The following ARHGAP24 variants were observed in gnomAD, a reference collection of about 807,000 sequenced individuals.
ARHGAP24 encodes the protein Rho GTPase activating protein 24, also known as rho GTPase-activating protein 24.
A neutral mutation model predicts 76.4 loss-of-function variants in ARHGAP24; 50 were observed. The ratio of observed to expected loss-of-function variants is 0.65; its 90% confidence interval spans 0.52 to 0.83. The LOEUF (loss-of-function observed/expected upper bound fraction) is 0.83. Among genes scored for constraint, ARHGAP24 ranks in the 40% least tolerant of loss-of-function variants. The probability of loss-of-function intolerance (pLI) is 0.00; values close to 1 mark genes in which losing one functional copy is unlikely to be tolerated. For synonymous variants in ARHGAP24, 345 were observed against 323.3 expected, an observed-to-expected ratio of 1.07 and a Z score of -0.72; for missense variants, 930 against 914.2, an observed-to-expected ratio of 1.02 and a Z score of -0.22.
At chr4:85,809,183 T>G (rs1455330993) in intron 3 of ARHGAP24, among the ~76,000 whole-genome samples, 1 of 152,192 alleles carries the variant, frequency 6.6e-6, no homozygotes, top group Non-Finnish European at 1.5e-5. Context: ...TCTCTAGTCA[T>G]CACTATAAAC....
chr4:85,736,475 G>T (rs2601859), intron 3 of ARHGAP24, among the ~76,000 whole-genome samples: 2 of 152,188 alleles, frequency 1.3e-5, no homozygotes, highest in African/African-American at 2.4e-5. Flanking sequence ...GAGTGCTACA[G>T]TAATTCTGTG....
rs114721072 is a variant in ARHGAP24 at position 85,795,269 on chromosome 4, C to G, written c.268+73297C>G. 4.5e-3 allele frequency among the ~76,000 whole-genome samples: 685 copies of G among 152,256 alleles called. 3 individuals are homozygous for G. Among genetic ancestry groups the G allele is most frequent in the African/African-American group, 0.016 (653 of 41,532 alleles). Reference sequence around the variant, plus strand: ...TGAGGCAAGAAAATACAGTAATAATCTAATGGCCTTTTCTTCATCATTCTC... The same window carrying G: ...TGAGGCAAGAAAATACAGTAATAATGTAATGGCCTTTTCTTCATCATTCTC... On this transcript the variant is annotated intron_variant, in intron 3 of 9. Coordinates refer to ENST00000395184, the MANE Select transcript of ARHGAP24 (RefSeq NM_001025616.3).
chr4:85,822,977 T>A (rs1729546429), intron 3 of ARHGAP24, among the ~76,000 whole-genome samples: 1 of 152,216 alleles, frequency 6.6e-6, no homozygotes, highest in South Asian at 2.1e-4. Flanking sequence ...TAATAACATG[T>A]CTGAAAACTG....
Position 85,825,951 on chromosome 4 carries a change from T to C in ARHGAP24, c.269-97697T>C, listed in dbSNP as rs143134490. 5.4e-3 allele frequency among the ~76,000 whole-genome samples: 823 copies of C among 152,336 alleles called. 6 individuals carry two copies. The highest frequency in any genetic ancestry group is 0.019 in the African/African-American group (782 of 41,572). On this transcript the variant is annotated intron_variant, in intron 3 of 9. Coordinates refer to ENST00000395184, the MANE Select transcript of ARHGAP24 (RefSeq NM_001025616.3). ...CTTGATTGTAATTCTAACTTCACCA[T>C]TGACCTTTAACAGTGTACAGGTTAA...
Position 85,610,354 on chromosome 4 carries a change from G to A in ARHGAP24, c.180+39633G>A, listed in dbSNP as rs188223878. Among the ~76,000 whole-genome samples the A allele has an allele frequency of 7.4e-3, 1,096 of 147,592 alleles. 12 individuals are homozygous for A. The highest frequency in any genetic ancestry group is 0.026 in the African/African-American group (1,044 of 40,546). The stretch of plus-strand genomic sequence containing the variant: ...AGCTACTTGGGAGGCTGAGGCGGGA[G>A]AATGGCGTGAACCTGGGAGGTGGAG... On this transcript the variant is annotated intron_variant, in intron 2 of 9. Transcript: ENST00000395184.
intron 3 of ARHGAP24, among the ~76,000 whole-genome samples, chr4:85,786,542 A>G (rs17395223): frequency 0.072 from 10,951 of 152,302 alleles, 563 homozygotes; most frequent in Non-Finnish European, 0.11. Context: ...AATGCTCCAC[A>G]GTATTCTCTG....
At position 86,001,360 on chromosome 4, in the gene ARHGAP24, T is replaced by G. The variant is rs1012538681; in HGVS notation, c.*638T>G. On this transcript the variant is annotated 3_prime_UTR_variant, in exon 10 of 10. Coordinates refer to ENST00000395184, the MANE Select transcript of ARHGAP24 (RefSeq NM_001025616.3). ...AATTCTTCCCCTGGCACCACTCAGTTTTGCTTTTGCGAGGCGATTTGACAT... is the reference window on the plus strand; with the variant it reads ...AATTCTTCCCCTGGCACCACTCAGTGTTGCTTTTGCGAGGCGATTTGACAT... 3 of 398,846 alleles carry G rather than the reference T, an allele frequency of 7.5e-6. No individual in the cohort carries two copies. The highest frequency in any genetic ancestry group is 1.3e-5 in the Non-Finnish European group (3 of 226,102). The allele number at this position is 398,846 out of a possible 1,614,324, so 24.7% of individuals were successfully genotyped here.
At chr4:85,582,299 T>A (rs1317463023) in intron 2 of ARHGAP24, among the ~76,000 whole-genome samples, 2 of 152,128 alleles carry the variant, frequency 1.3e-5, no homozygotes, top group African/African-American at 2.4e-5. Flanking sequence ...TTACCACAAA[T>A]AATGACACTA....
chr4:85,728,523 C>G lies in ARHGAP24; in HGVS notation c.268+6551C>G, dbSNP rs373178204. On this transcript the variant is annotated intron_variant, in intron 3 of 9. Coordinates refer to ENST00000395184, the MANE Select transcript of ARHGAP24 (RefSeq NM_001025616.3). Reference sequence around the variant, plus strand: ...ACCAATCAGTTTTAGACTTTTACCTCTCTGATTCAGTTGTTCTTTCTCCTG... The same window carrying G: ...ACCAATCAGTTTTAGACTTTTACCTGTCTGATTCAGTTGTTCTTTCTCCTG... Among the ~76,000 whole-genome samples the G allele has an allele frequency of 6.6e-5, 10 of 152,156 alleles. No homozygotes were observed. In the East Asian group the frequency reaches 1.3e-3, roughly 20 times the overall value.
chr4:85,516,677 A>C, intron 1 of ARHGAP24, among the ~76,000 whole-genome samples: 1 of 65,604 alleles, frequency 1.5e-5, no homozygotes, highest in East Asian at 5.3e-4. Context: ...TTTATCTATT[A>C]AAGTTTTAAA....
chr4:85,774,155 C>T (rs1455024112), intron 3 of ARHGAP24, among the ~76,000 whole-genome samples: 3 of 152,170 alleles, frequency 2.0e-5, no homozygotes, highest in Non-Finnish European at 4.4e-5. Flanking sequence ...TGTGGCCGTA[C>T]TTGAAGTGTA....
At position 85,833,159 on chromosome 4, in the gene ARHGAP24, G is replaced by C. The variant is rs114635751; in HGVS notation, c.269-90489G>C. Among the ~76,000 whole-genome samples, 1,351 of 152,206 alleles carry C rather than the reference G, an allele frequency of 8.9e-3. 17 individuals carry two copies. Among genetic ancestry groups the C allele is most frequent in the African/African-American group, 0.031 (1,290 of 41,524 alleles). On this transcript the variant is annotated intron_variant, in intron 3 of 9. Coordinates refer to ENST00000395184, the MANE Select transcript of ARHGAP24 (RefSeq NM_001025616.3). ...ATTCCTAAATCTGATACTTGATTGA[G>C]GCCTCAAAGTACCATCACTCTCTCT...
chr4:85,624,608 G>A (rs1720863804), intron 2 of ARHGAP24, among the ~76,000 whole-genome samples: 1 of 152,214 alleles, frequency 6.6e-6, no homozygotes, highest in African/African-American at 2.4e-5. Context: ...CATAAAATGA[G>A]TTATGGAGGA....
intron 2 of ARHGAP24, among the ~76,000 whole-genome samples, chr4:85,632,669 G>A (rs1290081721): frequency 1.3e-5 from 2 of 151,960 alleles, no homozygotes; most frequent in African/African-American, 2.4e-5. Flanking sequence ...TGCCAAGTCT[G>A]CATTAATTAA....
chr4:85,871,811 A>G (rs1337382379), intron 3 of ARHGAP24, among the ~76,000 whole-genome samples: 1 of 152,194 alleles, frequency 6.6e-6, no homozygotes, highest in South Asian at 2.1e-4. Context: ...GTGATGGCAC[A>G]TTGATCCATC....
At chr4:85,871,122 A>C (rs75161386) in intron 3 of ARHGAP24, among the ~76,000 whole-genome samples, 1,884 of 152,222 alleles carry the variant, frequency 0.012, 44 homozygotes, top group African/African-American at 0.043. Flanking sequence ...GCATGTGTAT[A>C]ATTCTATTAT....
rs772789457 is a variant in ARHGAP24 at position 85,590,429 on chromosome 4, G to A, written c.180+19708G>A. Among the ~76,000 whole-genome samples the A allele has an allele frequency of 1.3e-4, 20 of 150,480 alleles. No individual in the cohort carries two copies. The East Asian group carries it at 3.3e-3, about 25-fold the overall frequency. The stretch of plus-strand genomic sequence containing the variant: ...GGCTGGAGTGCAGTGGTGAGATCTC[G>A]GCTCATTGCAACCTTTGCCTCCTGG... On this transcript the variant is annotated intron_variant, in intron 2 of 9. Transcript: ENST00000395184.
At chr4:85,537,363 C>A (rs1003230390) in intron 1 of ARHGAP24, among the ~76,000 whole-genome samples, 1 of 152,076 alleles carries the variant, frequency 6.6e-6, no homozygotes, top group Non-Finnish European at 1.5e-5. Context: ...AACATTCTTT[C>A]TTTTCCTTTC....
At chr4:85,922,505 A>G (rs1440745659) in intron 3 of ARHGAP24, among the ~76,000 whole-genome samples, 4 of 152,216 alleles carry the variant, frequency 2.6e-5, no homozygotes, top group African/African-American at 9.6e-5. Context: ...AACCCAAGGG[A>G]TCAAGTATAC....
Sources: allele counts gnomAD v4.1 joint callset (sites outside exome capture counted in the v4.1 genomes callset), GRCh38; gene constraint gnomAD v4.1.1; transcripts MANE v1.5; gene names NCBI Gene and HGNC (gene_info 2026-07-23, HGNC 2026-07-21).